NOD2: variants seen among roughly 807,000 people sequenced by gnomAD.
NOD2 encodes nucleotide-binding oligomerization domain-containing protein 2.
NOD2 carries 86 observed loss-of-function variants against 90.9 expected under a neutral mutation model. That is an observed-to-expected ratio of 0.95 (90% CI 0.79 to 1.13). The LOEUF is 1.13. Ranked by LOEUF, NOD2 falls within the 50% of genes most tolerant of loss-of-function variation. The pLI, the probability that NOD2 is intolerant of heterozygous loss-of-function variation, is 0.00. For synonymous variants in NOD2, 581 were observed against 554.6 expected (o/e 1.05, Z -0.67); for missense variants, 1,238 against 1,283.8 (o/e 0.96, Z 0.55).
intron 5 of NOD2, 49 bp from the exon 6 acceptor site, chr16:50,716,842 T>C: frequency 2.5e-6 from 4 of 1,580,016 alleles, no homozygotes; most frequent in Non-Finnish European, 3.5e-6. Flanking sequence ...TGGTGCTCAC[T>C]GTCCAATGTG....
rs1303780949 is a variant in NOD2 at position 50,693,650 on chromosome 16, C to T, written c.-21C>T. ...CGGAGTGGGCCTTGGAGTCGGCGCGCAGGCGGCTCGCGGTGAGTGCTGTGC... is the reference window on the plus strand; with the variant it reads ...CGGAGTGGGCCTTGGAGTCGGCGCGTAGGCGGCTCGCGGTGAGTGCTGTGC... On this transcript the variant is annotated 5_prime_UTR_variant, in exon 1 of 12. Coordinates refer to ENST00000647318, the MANE Select transcript of NOD2 (RefSeq NM_001370466.1). The T allele has an allele frequency of 6.6e-6, 1 of 152,448 alleles. No homozygotes were observed. Among genetic ancestry groups the T allele is most frequent in the Non-Finnish European group, 1.5e-5 (1 of 68,024 alleles). 9.4% of individuals were successfully genotyped at this position (152,448 alleles called of 1,614,324 possible). A position where few individuals can be genotyped will look rare whatever the true frequency, so the allele number is the denominator to read the frequency against.
At chr16:50,730,484 CCTT>C (rs1349719955) in intron 11 of NOD2, among the ~76,000 whole-genome samples, 5 of 152,272 alleles carry the variant, frequency 3.3e-5, no homozygotes, top group Non-Finnish European at 5.9e-5. Flanking sequence ...AAAGATTTGT[CCTT>C]CTTGTTTCCA....
rs549139897 is a variant in NOD2, at chr16:50,719,073, A to G, written c.2550-852A>G. 2.0e-5 allele frequency among the ~76,000 whole-genome samples: 3 copies of G among 152,278 alleles called. No individual in the cohort carries two copies. The East Asian group carries it at 5.8e-4, about 29-fold the overall frequency. ...AGTTCTTGAACCAAATTCACCAGGCAGGGGAGCCTGATGTCTCAGGCAGGG... is the reference window on the plus strand; with the variant it reads ...AGTTCTTGAACCAAATTCACCAGGCGGGGGAGCCTGATGTCTCAGGCAGGG... On this transcript the variant is annotated intron_variant, in intron 6 of 11. Transcript: ENST00000647318.
intron 4 of NOD2, chr16:50,712,615 A>C: frequency 3.4e-6 from 2 of 585,104 alleles, no homozygotes; most frequent in Non-Finnish European, 6.1e-6. Context: ...GACCTCATCT[A>C]ATCTCTACAA....
rs1380352075 is a variant in NOD2 at position 50,710,678 on chromosome 16, T to C, written c.686T>C (p.Val229Ala). 2.5e-6 allele frequency: 4 copies of C among 1,613,912 alleles called. No individual in the cohort carries two copies. The highest frequency in any genetic ancestry group is 3.4e-6 in the Non-Finnish European group (4 of 1,179,842). Reference protein sequence around the residue: ...LCLEDIYTENVLEVWADVGMA... With the variant: ...LCLEDIYTENALEVWADVGMA... ...CTGGAGGACATATACACAGAGAATG[T>C]CCTGGAGGTCTGGGCAGATGTGGGC... The change falls in exon 4 of 12, where the codon GTC (valine) becomes GCC (alanine). Residue 229 changes from valine (V) to alanine (A), a missense_variant. Val to Ala is a moderately conservative substitution (Grantham distance 64). Coordinates refer to ENST00000647318, the MANE Select transcript of NOD2 (RefSeq NM_001370466.1).
intron 2 of NOD2, among the ~76,000 whole-genome samples, chr16:50,705,053 T>G (rs141758527): frequency 0.012 from 1,824 of 152,314 alleles, 39 homozygotes; most frequent in African/African-American, 0.042. Flanking sequence ...TAATTCAATG[T>G]TAGAATTCCT....
Position 50,697,244 on chromosome 16 carries a change from A to G in NOD2, c.-8-2244A>G, listed in dbSNP as rs1255636125. 4.5e-6 allele frequency: 7 copies of G among 1,555,736 alleles called. No homozygotes were observed. The highest frequency in any genetic ancestry group is 1.4e-5 in the African/African-American group (1 of 73,272). On this transcript the variant is annotated intron_variant, in intron 1 of 11. Transcript: ENST00000647318. ...TGCTCCCCCAGCCTAATGGGCTTTG[A>G]TGGGGGAAGAGGGTGGTTCAGCCTC...
chr16:50,725,657 G>A (rs1027616460), intron 10 of NOD2, 85 bp downstream of exon 10: 32 of 1,056,166 alleles, frequency 3.0e-5, no homozygotes, highest in Admixed American at 5.2e-5. Context: ...GCCGCTCTCC[G>A]CTGGGCTAAC....
At chr16:50,717,881 G>A (rs2150826152) in intron 6 of NOD2, among the ~76,000 whole-genome samples, 1 of 152,370 alleles carries the variant, frequency 6.6e-6, no homozygotes, top group Middle Eastern at 3.4e-3. Context: ...CCTCCGGTAT[G>A]TGCAGGAGAG....
chr16:50,710,519 A>G (rs764392329), intron 3 of NOD2, 39 bp from the exon 4 acceptor site: 1 of 1,613,746 alleles, frequency 6.2e-7, no homozygotes, highest in Non-Finnish European at 8.5e-7. Flanking sequence ...CGTCTTCACC[A>G]TGGTGCCACC....
intron 7 of NOD2, 139 bp from the exon 8 acceptor site, chr16:50,722,482 GC>G: frequency 1.2e-6 from 1 of 827,072 alleles, no homozygotes; most frequent in Non-Finnish European, 2.1e-6. Flanking sequence ...GGGACCAGGA[GC>G]CCCAGTGAGG....
chr16:50,700,058 A>T lies in NOD2; in HGVS notation c.459+104A>T, dbSNP rs2111235. 22 of 1,095,736 alleles carry T rather than the reference A, an allele frequency of 2.0e-5. No homozygotes were observed. In the Admixed American group the frequency reaches 4.4e-4, roughly 22 times the overall value. The allele number at this position is 1,095,736 out of a possible 1,614,324, so 67.9% of individuals were successfully genotyped here. A position where few individuals can be genotyped will look rare whatever the true frequency, so the allele number is the denominator to read the frequency against. ...GTCAGCCTGTGGGGTAACTTGGTCC[A>T]TGGGATTTCCCCTAAAAAGGTAGCC... On this transcript the variant is annotated intron_variant, in intron 2 of 11. Coordinates refer to ENST00000647318, the MANE Select transcript of NOD2 (RefSeq NM_001370466.1).
intron 4 of NOD2, chr16:50,713,541 A>T (rs1370022153): frequency 6.6e-6 from 1 of 152,232 alleles, no homozygotes; most frequent in East Asian, 1.9e-4. Flanking sequence ...GAATGTAAAT[A>T]TGATTATACC....
At chr16:50,728,368 G>A in intron 10 of NOD2, 1 of 359,890 alleles carries the variant, frequency 2.8e-6, no homozygotes, top group Non-Finnish European at 5.5e-6. Context: ...GTTGTGAGTT[G>A]TCTCCGCTGC....
chr16:50,732,004 T>A lies in NOD2; in HGVS notation c.*185T>A. 1 of 640,200 alleles carries A rather than the reference T, an allele frequency of 1.6e-6. No individual in the cohort carries two copies. The highest frequency in any genetic ancestry group is 2.3e-5 in the Admixed American group (1 of 44,282). The allele number at this position is 640,200 out of a possible 1,614,324, so 39.7% of individuals were successfully genotyped here. A position where few individuals can be genotyped will look rare whatever the true frequency, so the allele number is the denominator to read the frequency against. ...GGCAGAGGAGGGAGCATCAGTGCCC[T>A]CCAGGATAGACTTTTCCCAAGCCTA... On this transcript the variant is annotated 3_prime_UTR_variant, in exon 12 of 12. Transcript: ENST00000647318.
At chr16:50,707,278 G>A (rs907772784) in intron 2 of NOD2, among the ~76,000 whole-genome samples, 1 of 152,206 alleles carries the variant, frequency 6.6e-6, no homozygotes, top group African/African-American at 2.4e-5. Context: ...AAGACTTCGG[G>A]GCAGAGCACC....
At chr16:50,705,010 A>G (rs542225662) in intron 2 of NOD2, among the ~76,000 whole-genome samples, 1 of 152,184 alleles carries the variant, frequency 6.6e-6, no homozygotes, top group East Asian at 1.9e-4. Context: ...CTTCCTCTCC[A>G]TTTTATCTCT....
chr16:50,702,415 C>T (rs1409400218), intron 2 of NOD2, among the ~76,000 whole-genome samples: 2 of 152,200 alleles, frequency 1.3e-5, no homozygotes, highest in African/African-American at 4.8e-5. Flanking sequence ...TAGAATCCAG[C>T]TCTCTCTGAG....
intron 4 of NOD2, among the ~76,000 whole-genome samples, chr16:50,714,886 GAA>G (rs2150820473): frequency 6.6e-6 from 1 of 152,212 alleles, no homozygotes; most frequent in South Asian, 2.1e-4. Flanking sequence ...CAATGATTGA[GAA>G]AGAGAGAGAG....
Sources: gnomAD v4.1 joint callset for allele counts (sites outside exome capture counted in the v4.1 genomes callset) on GRCh38, gnomAD v4.1.1 for gene constraint, MANE v1.5 for transcripts, NCBI Gene and HGNC (gene_info 2026-07-23, HGNC 2026-07-21) for gene names.